The following DOC2B variants were observed in gnomAD, a reference collection of about 807,000 sequenced individuals.
DOC2B encodes the protein double C2 domain beta, also known as double C2-like domain-containing protein beta.
DOC2B carries 21 observed loss-of-function variants against 28.9 expected under a neutral mutation model. That is an observed-to-expected ratio of 0.73 (90% CI 0.52 to 1.05). The LOEUF (loss-of-function observed/expected upper bound fraction) is 1.05, where lower values mean the gene tolerates loss of function less well. DOC2B is among the 50% of genes least tolerant of loss of function. The pLI is 0.00. For missense variants in DOC2B, 384 were observed against 421.1 expected, an observed-to-expected ratio of 0.91 and a Z score of 0.77; for synonymous variants, 194 against 178.1, an observed-to-expected ratio of 1.09 and a Z score of -0.71.
chr17:170,596 A>G lies in DOC2B; in HGVS notation c.453+1941T>C, dbSNP rs925882015. The stretch of plus-strand genomic sequence containing the variant: ...CTGGCTCAGGCCCTTACATGGCACT[A>G]CTAGGGAGACTCTACTGGCCATGCA... On this transcript the variant is annotated intron_variant, in intron 2 of 8. Transcript: ENST00000613549. Among the ~76,000 whole-genome samples, 19 of 152,252 alleles carry G rather than the reference A, an allele frequency of 1.2e-4. 2 individuals are homozygous for G. The highest frequency in any genetic ancestry group is 9.8e-4 in the Admixed American group (15 of 15,306).
At chr17:173,765 C>A (rs2151474853) in intron 1 of DOC2B, among the ~76,000 whole-genome samples, 1 of 152,226 alleles carries the variant, frequency 6.6e-6, no homozygotes, top group African/African-American at 2.4e-5. Context: ...GGTGACGATT[C>A]CAACCACAGG....
chr17:156,466 G>A (rs191425522), intron 5 of DOC2B, 89 bp from the exon 6 acceptor site: 49 of 1,447,530 alleles, frequency 3.4e-5, no homozygotes, highest in Admixed American at 1.4e-4. Flanking sequence ...CCGCCCATCC[G>A]GCTGCTGCAG....
At chr17:174,056 A>C (rs1211699381) in intron 1 of DOC2B, among the ~76,000 whole-genome samples, 1 of 152,224 alleles carries the variant, frequency 6.6e-6, no homozygotes, top group African/African-American at 2.4e-5. Flanking sequence ...GCCCAGGCAT[A>C]ACAAAGTTTC....
intron 6 of DOC2B, among the ~76,000 whole-genome samples, chr17:154,270 CCTT>C (rs2040106961): frequency 1.3e-5 from 2 of 151,300 alleles, no homozygotes; most frequent in Admixed American, 6.6e-5. Context: ...CCGCTACACT[CCTT>C]CTTAGGGCTG....
At chr17:171,982 G>A (rs559964257) in intron 2 of DOC2B, among the ~76,000 whole-genome samples, 444 of 150,708 alleles carry the variant, frequency 2.9e-3, no homozygotes, top group Non-Finnish European at 4.5e-3. Context: ...CCAGGCTGCA[G>A]AGGGGAGCAC....
chr17:161,722 C>A (rs1044822734), intron 4 of DOC2B, among the ~76,000 whole-genome samples, 181 bp from the exon 5 acceptor site: 1 of 152,240 alleles, frequency 6.6e-6, no homozygotes, highest in African/African-American at 2.4e-5. Flanking sequence ...ATATCAGGCA[C>A]TGTCCTCATG....
In DOC2B at chr17:165,548, A is replaced by G. The variant is rs1165148375; in HGVS notation, c.454-1344T>C. On this transcript the variant is annotated intron_variant, in intron 2 of 8. Coordinates refer to ENST00000613549, the MANE Select transcript of DOC2B (RefSeq NM_003585.5). ...CTCCCACCTTCCTAGGGCTGGAGTGAGAGGGAGGGAGACTGTGTGGACACA... is the reference window on the plus strand; with the variant it reads ...CTCCCACCTTCCTAGGGCTGGAGTGGGAGGGAGGGAGACTGTGTGGACACA... 9.9e-5 allele frequency among the ~76,000 whole-genome samples: 15 copies of G among 150,764 alleles called. 1 individual carries two copies. Among genetic ancestry groups the G allele is most frequent in the Non-Finnish European group, 5.9e-5 (4 of 67,838 alleles).
In DOC2B at chr17:164,156, G is replaced by A. The variant is rs2040235567; in HGVS notation, c.502C>T (p.Leu168=). The change falls in exon 3 of 9, where the codon CTG becomes TTG. Residue 168 remains leucine (L), a synonymous_variant. Transcript: ENST00000613549. ...TTACTGGCTCCTGGCAGCAGGTGCA[G>A]CTTGACGTAGGGGTCTGCCAGCCCA... ...HNGLADPYVK[L]HLLPGASKAN... The A allele has an allele frequency of 6.4e-7, 1 of 1,553,782 alleles. No homozygotes were observed. The highest frequency in any genetic ancestry group is 1.2e-5 in the South Asian group (1 of 84,274).
Position 144,171 on chromosome 17 carries a change from T to A in DOC2B, c.*3270A>T, listed in dbSNP as rs1462678663. ...GACTTTTTTTTTTTGGCATCAGATT[T>A]CCTGTCTTTGTGGGGATGATGGACC... is the stretch of plus-strand genomic sequence containing the variant. On this transcript the variant is annotated 3_prime_UTR_variant, in exon 9 of 9. Transcript: ENST00000613549. 6.6e-6 allele frequency: 1 copy of A among 151,452 alleles called. No homozygotes were observed. 9.4% of individuals were successfully genotyped at this position (151,452 alleles called of 1,614,324 possible).
At position 181,080 on chromosome 17, in the gene DOC2B, C is replaced by A; in HGVS notation, c.373+27G>T. 8.1e-7 allele frequency: 1 copy of A among 1,232,522 alleles called. No individual in the cohort carries two copies. The highest frequency in any genetic ancestry group is 1.0e-6 in the Non-Finnish European group (1 of 985,732). The allele number at this position is 1,232,522 out of a possible 1,614,324, so 76.3% of individuals were successfully genotyped here. The stretch of plus-strand genomic sequence containing the variant: ...GCCGAGCCCGAGCCAGGGGAGGGGG[C>A]GCGAAGTCGGCGCGTGGGAAACTTA... On this transcript the variant is annotated intron_variant, in intron 1 of 8. Coordinates refer to ENST00000613549, the MANE Select transcript of DOC2B (RefSeq NM_003585.5). This position sits in a 1 kb window ranked among gnomAD's most constrained non-coding sequence, Gnocchi z 7.0.
intron 6 of DOC2B, among the ~76,000 whole-genome samples, chr17:153,698 C>G (rs1555522049): frequency 6.7e-6 from 1 of 148,648 alleles, no homozygotes; most frequent in East Asian, 2.0e-4. Flanking sequence ...AAGACTCTGT[C>G]TCAAAAAAAA....
At chr17:157,422 GC>G in intron 5 of DOC2B, among the ~76,000 whole-genome samples, 1 of 152,252 alleles carries the variant, frequency 6.6e-6, no homozygotes, top group Non-Finnish European at 1.5e-5. Context: ...CTTCCTCAGG[GC>G]TCTGCCCCAG....
chr17:179,259 T>C (rs942287985), intron 1 of DOC2B, among the ~76,000 whole-genome samples: 2 of 152,200 alleles, frequency 1.3e-5, no homozygotes, highest in African/African-American at 2.4e-5. Context: ...GCACCGCATG[T>C]ATCTCAGGCC....
At chr17:160,875 A>G (rs535589636) in intron 5 of DOC2B, among the ~76,000 whole-genome samples, 2 of 152,234 alleles carry the variant, frequency 1.3e-5, no homozygotes, top group East Asian at 3.9e-4. Context: ...CGTATCTCAC[A>G]GGCACTCAGG....
At position 143,999 on chromosome 17, in the gene DOC2B, G is replaced by A. The variant is rs1328018970; in HGVS notation, c.*3442C>T. On this transcript the variant is annotated 3_prime_UTR_variant, in exon 9 of 9. Coordinates refer to ENST00000613549, the MANE Select transcript of DOC2B (RefSeq NM_003585.5). ...CGGACGGGCCGGGGCGCAGTTCCCC[G>A]CGCTCGCCACTAGAGGTCAGGAGGT... The A allele has an allele frequency of 1.3e-5, 2 of 152,414 alleles. No individual in the cohort carries two copies. The highest frequency in any genetic ancestry group is 1.8e-4 in the South Asian group (1 of 5,564). The allele number at this position is 152,414 out of a possible 1,614,324, so 9.4% of individuals were successfully genotyped here. A position where few individuals can be genotyped will look rare whatever the true frequency, so the allele number is the denominator to read the frequency against.
In DOC2B at chr17:176,199, GT is replaced by G. The variant is rs74476405; in HGVS notation, c.374-3584del. ...CTTAAAGCCTACTGGCTCCCAAGAA[GT>G]TTTTTTTTTTTGAGACAGGGTCTTG... is the stretch of plus-strand genomic sequence containing the variant. On this transcript the variant is annotated intron_variant, in intron 1 of 8. Transcript: ENST00000613549. 1.5e-3 allele frequency among the ~76,000 whole-genome samples: 213 copies of G among 146,032 alleles called. 1 individual carries two copies. The highest frequency in any genetic ancestry group is 3.7e-3 in the African/African-American group (148 of 40,012).
rs2040002688 is a variant in DOC2B, at chr17:144,079, GGGGCGGCGGGC to G, written c.*3351_*3361del. ...TCGGGGATTGGCGCAGGCGGCGGGC[GGGGCGGCGGGC>G]GGGGCGGCGGGCGGGGCGGCGCTGG... On this transcript the variant is annotated 3_prime_UTR_variant, in exon 9 of 9. Transcript: ENST00000613549. 1 of 10,274 alleles carries G rather than the reference GGGGCGGCGGGC, an allele frequency of 9.7e-5. No homozygotes were observed. The highest frequency in any genetic ancestry group is 1.8e-3 in the Admixed American group (1 of 546). The allele number at this position is 10,274 out of a possible 1,614,324, so 0.6% of individuals were successfully genotyped here.
intron 5 of DOC2B, 50 bp from the exon 6 acceptor site, chr17:156,427 T>G: frequency 6.5e-7 from 1 of 1,532,794 alleles, no homozygotes; most frequent in Non-Finnish European, 8.8e-7. Context: ...ACCCCTCTCT[T>G]GGCCGTCCTT....
chr17:154,289 C>A (rs1352531316), intron 6 of DOC2B, among the ~76,000 whole-genome samples: 1 of 150,658 alleles, frequency 6.6e-6, no homozygotes, highest in East Asian at 2.0e-4. Flanking sequence ...GGCTGATATT[C>A]CACGCACCTG....
Sources: allele counts gnomAD v4.1 joint callset (sites outside exome capture counted in the v4.1 genomes callset), GRCh38; gene constraint gnomAD v4.1.1; non-coding constraint Gnocchi (gnomAD v3.1); transcripts MANE v1.5; gene names NCBI Gene and HGNC (gene_info 2026-07-23, HGNC 2026-07-21).